Variants in ZNF292 observed in about 807,000 individuals in gnomAD.
ZNF292 encodes 16 zinc-finger domain protein.
In ZNF292, 26 loss-of-function variants were observed where a neutral mutation model predicts 217.9. That is an observed-to-expected ratio of 0.12 (90% CI 0.09 to 0.17). The LOEUF (loss-of-function observed/expected upper bound fraction) is 0.17, where lower values mean the gene tolerates loss of function less well. ZNF292 is among the 10% of genes least tolerant of loss of function. The probability of loss-of-function intolerance (pLI) is 1.00; values close to 1 mark genes in which losing one functional copy is unlikely to be tolerated. For synonymous variants in ZNF292, 1,257 were observed against 1,124.1 expected (o/e 1.12, Z -2.37); for missense variants, 2,904 against 3,175.2 (o/e 0.91, Z 2.05).
intron 7 of ZNF292, among the ~76,000 whole-genome samples, chr6:87,252,850 G>A (rs951566356): frequency 2.6e-5 from 4 of 152,066 alleles, no homozygotes; most frequent in Admixed American, 1.3e-4. Flanking sequence ...GAAATCAAGA[G>A]ACACCCATAT....
In ZNF292 at chr6:87,258,638, A is replaced by G. The variant is rs1323906501; in HGVS notation, c.5009A>G (p.His1670Arg). 5 of 1,613,622 alleles carry G rather than the reference A, an allele frequency of 3.1e-6. No homozygotes were observed. Among genetic ancestry groups the G allele is most frequent in the Non-Finnish European group, 3.4e-6 (4 of 1,179,754 alleles). ...GTTGAAATCCCAACTACTAACCTTC[A>G]TTCAAATGTAATTCCAACTTGTGAA... ...KSVEIPTTNL[H>R]SNVIPTCEPQ... is the part of the protein sequence containing the mutation. The change falls in exon 8 of 8, where the codon CAT (histidine) becomes CGT (arginine). Residue 1670 changes from histidine to arginine, a missense_variant. Transcript: ENST00000369577.
intron 1 of ZNF292, among the ~76,000 whole-genome samples, chr6:87,200,318 C>G (rs1349389184): frequency 1.3e-5 from 2 of 152,150 alleles, no homozygotes; most frequent in Non-Finnish European, 2.9e-5. Flanking sequence ...AAGTTCAAAG[C>G]CAGAAATACT....
At chr6:87,230,680 G>A (rs563206997) in intron 4 of ZNF292, among the ~76,000 whole-genome samples, 1 of 151,690 alleles carries the variant, frequency 6.6e-6, no homozygotes, top group East Asian at 1.9e-4. Flanking sequence ...CTTGCAGTGA[G>A]CCGAGATTGC....
intron 1 of ZNF292, among the ~76,000 whole-genome samples, chr6:87,162,615 AAATT>A (rs1405443206): frequency 9.8e-5 from 15 of 152,352 alleles, no homozygotes; most frequent in African/African-American, 3.6e-4. Flanking sequence ...TAGAGATAAT[AAATT>A]CTACTTTGCA....
At chr6:87,189,701 T>G (rs1010024124) in intron 1 of ZNF292, among the ~76,000 whole-genome samples, 11 of 152,126 alleles carry the variant, frequency 7.2e-5, no homozygotes, top group African/African-American at 2.7e-4. Flanking sequence ...ATGTATATTC[T>G]CAACATGACT....
intron 1 of ZNF292, among the ~76,000 whole-genome samples, chr6:87,179,383 A>T (rs373302192): frequency 1.3e-5 from 2 of 152,146 alleles, no homozygotes; most frequent in East Asian, 1.9e-4. Flanking sequence ...AGGGTCTCGA[A>T]CTGCCAACCT....
intron 1 of ZNF292, among the ~76,000 whole-genome samples, chr6:87,207,527 G>GA (rs1772296444): frequency 6.6e-6 from 1 of 152,028 alleles, no homozygotes; most frequent in South Asian, 2.1e-4. Flanking sequence ...GGAAAAATGT[G>GA]AAAAAAATAT....
At chr6:87,179,976 A>G (rs1453935363) in intron 1 of ZNF292, among the ~76,000 whole-genome samples, 11 of 152,158 alleles carry the variant, frequency 7.2e-5, no homozygotes, top group Non-Finnish European at 1.6e-4. Flanking sequence ...TGAGTGTGCC[A>G]GTTACCAGAT....
intron 1 of ZNF292, among the ~76,000 whole-genome samples, chr6:87,185,680 G>T (rs1771625710): frequency 2.0e-5 from 3 of 152,164 alleles, no homozygotes; most frequent in African/African-American, 7.2e-5. Flanking sequence ...TGTTGCCCAG[G>T]CTGGTCTTGA....
Position 87,258,058 on chromosome 6 carries a change from A to G in ZNF292, c.4429A>G (p.Asn1477Asp). ...TACATTTCCTCGATCTGGTGTGACTAACTTTAATACCAGTGTCAGTCAAGA... is the reference window on the plus strand; with the variant it reads ...TACATTTCCTCGATCTGGTGTGACTGACTTTAATACCAGTGTCAGTCAAGA... ...PNTFPRSGVT[N>D]FNTSVSQEGS... The change falls in exon 8 of 8, where the codon AAC (asparagine) becomes GAC (aspartate). Residue 1477 changes from asparagine to aspartate, a missense_variant. Transcript: ENST00000369577. 6.2e-7 allele frequency: 1 copy of G among 1,613,808 alleles called. No homozygotes were observed.
chr6:87,161,627 G>T (rs942366233), intron 1 of ZNF292, among the ~76,000 whole-genome samples: 1 of 152,164 alleles, frequency 6.6e-6, no homozygotes, highest in Non-Finnish European at 1.5e-5. Flanking sequence ...CATTGCCCAG[G>T]TTGGTCTCAA....
rs746689286 is a variant in ZNF292 at position 87,260,714 on chromosome 6, G to A, written c.7085G>A (p.Gly2362Glu). ...EENKPYSLKR[G>E]KHVYSIKARN... The stretch of plus-strand genomic sequence containing the variant: ...AATAAGCCTTATTCTCTGAAACGTG[G>A]GAAGCATGTATATTCTATAAAGGCT... The change falls in exon 8 of 8, where the codon GGG becomes GAG. Residue 2362 changes from glycine (G) to glutamate (E), a missense_variant. Coordinates refer to ENST00000369577, the MANE Select transcript of ZNF292 (RefSeq NM_015021.3). The A allele has an allele frequency of 1.2e-6, 2 of 1,613,272 alleles. No homozygotes were observed. Among genetic ancestry groups the A allele is most frequent in the Middle Eastern group, 1.7e-4 (1 of 6,058 alleles).
chr6:87,169,625 G>A, intron 1 of ZNF292: 1 of 383,226 alleles, frequency 2.6e-6, no homozygotes, highest in Non-Finnish European at 5.4e-6. Context: ...TTTAAAAGAT[G>A]AGCCATTAGC....
At chr6:87,169,600 A>G in intron 1 of ZNF292, 1 of 349,750 alleles carries the variant, frequency 2.9e-6, no homozygotes, top group Non-Finnish European at 6.0e-6. Context: ...AGTAAATAGG[A>G]ATGATTATGC....
At chr6:87,212,060 G>A (rs1366354067) in intron 1 of ZNF292, among the ~76,000 whole-genome samples, 1 of 152,140 alleles carries the variant, frequency 6.6e-6, no homozygotes, top group Non-Finnish European at 1.5e-5. Flanking sequence ...ACAATGTTAG[G>A]GGTTCTCACA....
intron 4 of ZNF292, among the ~76,000 whole-genome samples, chr6:87,224,934 A>G (rs1268980755): frequency 6.6e-6 from 1 of 151,944 alleles, no homozygotes; most frequent in Non-Finnish European, 1.5e-5. Flanking sequence ...TTTAGCTTTG[A>G]AAAAAAACTG....
At chr6:87,251,661 A>G (rs1300501201) in intron 7 of ZNF292, among the ~76,000 whole-genome samples, 4 of 152,254 alleles carry the variant, frequency 2.6e-5, no homozygotes, top group Admixed American at 2.6e-4. Context: ...CATTGTCTTT[A>G]TAGAAAATTG....
chr6:87,240,029 G>A (rs1374233755), intron 5 of ZNF292, among the ~76,000 whole-genome samples: 2 of 152,120 alleles, frequency 1.3e-5, no homozygotes, highest in African/African-American at 2.4e-5. Flanking sequence ...GTAGCGAGCC[G>A]AGATCAGACC....
At chr6:87,243,676 A>G in intron 6 of ZNF292, 65 bp downstream of exon 6, 2 of 1,327,140 alleles carry the variant, frequency 1.5e-6, no homozygotes, top group South Asian at 3.7e-5. Context: ...AGGCTGTGAG[A>G]ATTCATATAA....
Sources: gnomAD v4.1 joint callset for allele counts (sites outside exome capture counted in the v4.1 genomes callset) on GRCh38, gnomAD v4.1.1 for gene constraint, MANE v1.5 for transcripts, NCBI Gene and HGNC (gene_info 2026-07-23, HGNC 2026-07-21) for gene names.